The following CAMTA1 variants were observed in gnomAD, a reference collection of about 807,000 sequenced individuals.
CAMTA1 encodes the protein calmodulin binding transcription activator 1, also known as calmodulin-binding transcription activator 1.
In CAMTA1, 27 loss-of-function variants were observed where a neutral mutation model predicts 170.9. The ratio of observed to expected loss-of-function variants is 0.16; its 90% CI spans 0.12 to 0.22. The LOEUF is 0.22. Among genes scored for constraint, CAMTA1 ranks in the 10% least tolerant of loss-of-function variants. The pLI, the probability that CAMTA1 is intolerant of heterozygous loss-of-function variation, is 1.00. For synonymous variants in CAMTA1, 833 were observed against 891.5 expected (o/e 0.93, Z 1.17); for missense variants, 1,619 against 2,217.2 (o/e 0.73, Z 5.42).
At chr1:7,579,552 C>CTTTCTTTCTTTTTTTTTTTCTTTTTTTT (rs1436192966) in intron 6 of CAMTA1, among the ~76,000 whole-genome samples, 1 of 79,194 alleles carries the variant, frequency 1.3e-5, no homozygotes, top group African/African-American at 5.9e-5. Context: ...CTTTTCTTTT[C>CTTTCTTTCTTTTTTTTTTTCTTTTTTTT]TTTTTTTTTT....
intron 5 of CAMTA1, among the ~76,000 whole-genome samples, chr1:7,341,904 AC>A (rs1304581638): frequency 6.6e-6 from 1 of 152,036 alleles, no homozygotes; most frequent in Admixed American, 6.5e-5. Context: ...CTCCTCCCCC[AC>A]CAGGGCCCAT....
intron 21 of CAMTA1, among the ~76,000 whole-genome samples, chr1:7,754,376 T>C (rs2096917531): frequency 6.6e-6 from 1 of 152,216 alleles, no homozygotes; most frequent in African/African-American, 2.4e-5. Flanking sequence ...CCTCAAACTT[T>C]GAATGAATGT....
chr1:7,666,497 T>C (rs990558840), intron 9 of CAMTA1, among the ~76,000 whole-genome samples: 1 of 152,240 alleles, frequency 6.6e-6, no homozygotes, highest in African/African-American at 2.4e-5. Flanking sequence ...GAGGAATCTC[T>C]GCTTTTTCTG....
intron 6 of CAMTA1, among the ~76,000 whole-genome samples, chr1:7,500,413 G>A (rs2093984839): frequency 1.3e-5 from 2 of 151,864 alleles, no homozygotes; most frequent in South Asian, 4.2e-4. Context: ...GTGTAGAGAG[G>A]ATGGTGTGAG....
At chr1:7,403,091 G>A (rs951672324) in intron 5 of CAMTA1, among the ~76,000 whole-genome samples, 4 of 152,158 alleles carry the variant, frequency 2.6e-5, no homozygotes, top group Non-Finnish European at 4.4e-5. Flanking sequence ...GGTGGCTCAC[G>A]CCTATAATCC....
intron 5 of CAMTA1, chr1:7,388,385 CT>C (rs2088262228): frequency 1.3e-5 from 2 of 152,284 alleles, no homozygotes; most frequent in Non-Finnish European, 2.9e-5. Flanking sequence ...AAAGGAACCT[CT>C]CGTGGCGTTT....
At chr1:7,422,430 G>C (rs1168913716) in intron 5 of CAMTA1, among the ~76,000 whole-genome samples, 1 of 152,068 alleles carries the variant, frequency 6.6e-6, no homozygotes, top group Non-Finnish European at 1.5e-5. Context: ...AGAGGACATA[G>C]CAGGAAAAAG....
At chr1:7,516,150 C>T (rs535884110) in intron 6 of CAMTA1, among the ~76,000 whole-genome samples, 12 of 152,310 alleles carry the variant, frequency 7.9e-5, no homozygotes, top group Admixed American at 3.9e-4. Flanking sequence ...AAGTCTCCAC[C>T]GCTTAACACA....
At chr1:6,790,299 T>A (rs778714472) in intron 1 of CAMTA1, among the ~76,000 whole-genome samples, 1 of 147,230 alleles carries the variant, frequency 6.8e-6, no homozygotes, top group Admixed American at 6.8e-5. Context: ...GTGAAGAGGG[T>A]GGGAGGGTGG....
intron 3 of CAMTA1, among the ~76,000 whole-genome samples, chr1:7,061,229 C>T (rs577282300): frequency 2.0e-5 from 3 of 152,358 alleles, no homozygotes; most frequent in East Asian, 3.9e-4. Context: ...ACGCCAGGGG[C>T]GATGCCAGGC....
intron 6 of CAMTA1, among the ~76,000 whole-genome samples, chr1:7,569,223 C>CCATCATCATCACCAT (rs1206642595): frequency 8.1e-5 from 12 of 148,402 alleles, no homozygotes; most frequent in African/African-American, 3.1e-4. Context: ...CCACCATCAT[C>CCATCATCATCACCAT]CATCATCATC....
At chr1:7,106,427 C>T (rs894413240) in intron 4 of CAMTA1, among the ~76,000 whole-genome samples, 16 of 152,116 alleles carry the variant, frequency 1.1e-4, no homozygotes, top group African/African-American at 3.4e-4. Flanking sequence ...TTTCTTTCTC[C>T]TGTCCGGCCA....
intron 3 of CAMTA1, among the ~76,000 whole-genome samples, chr1:7,004,895 A>G (rs1572375528): frequency 6.6e-6 from 1 of 152,118 alleles, no homozygotes; most frequent in Non-Finnish European, 1.5e-5. Context: ...AGCCTCCTGA[A>G]TAGCTGGGAT....
At chr1:7,686,734 C>T (rs1023924530) in intron 11 of CAMTA1, among the ~76,000 whole-genome samples, 3 of 152,070 alleles carry the variant, frequency 2.0e-5, no homozygotes, top group South Asian at 2.1e-4. Context: ...TGCGTCCGTT[C>T]GGGCAAGAGG....
intron 6 of CAMTA1, among the ~76,000 whole-genome samples, chr1:7,555,545 T>C (rs1485612182): frequency 6.6e-6 from 1 of 152,132 alleles, no homozygotes; most frequent in African/African-American, 2.4e-5. Context: ...AGCCAGGGCC[T>C]GGATATCCCA....
chr1:7,704,495 G>A (rs1468685979), intron 11 of CAMTA1, among the ~76,000 whole-genome samples: 5 of 146,802 alleles, frequency 3.4e-5, no homozygotes, highest in African/African-American at 7.4e-5. Flanking sequence ...CCCGGGCCGC[G>A]CTCCGCCCGC....
At chr1:6,870,716 C>G (rs1446461718) in intron 3 of CAMTA1, among the ~76,000 whole-genome samples, 1 of 152,160 alleles carries the variant, frequency 6.6e-6, no homozygotes, top group African/African-American at 2.4e-5. Context: ...CCTGGTTATG[C>G]TCCTGCCATT....
chr1:7,468,949 C>G (rs1258505069), intron 6 of CAMTA1, among the ~76,000 whole-genome samples: 1 of 152,192 alleles, frequency 6.6e-6, no homozygotes, highest in African/African-American at 2.4e-5. Flanking sequence ...CACAGGAGAG[C>G]TGGTCTGGAA....
intron 5 of CAMTA1, among the ~76,000 whole-genome samples, chr1:7,392,831 G>A (rs531941699): frequency 8.0e-4 from 121 of 152,082 alleles, no homozygotes; most frequent in African/African-American, 2.8e-3. Context: ...CCGAGATCAC[G>A]CCACTGAGCT....
Sources: allele counts gnomAD v4.1 joint callset (sites outside exome capture counted in the v4.1 genomes callset), GRCh38; gene constraint gnomAD v4.1.1; transcripts MANE v1.5; gene names NCBI Gene and HGNC (gene_info 2026-07-23, HGNC 2026-07-21).